Variants in GRID2 observed in about 807,000 individuals in gnomAD.
GRID2 encodes glutamate receptor ionotropic, delta-2.
In GRID2, 33 loss-of-function variants were observed where a neutral mutation model predicts 114.8. The observed-to-expected ratio is 0.29, with a 90% CI of 0.22 to 0.38. The LOEUF (loss-of-function observed/expected upper bound fraction) is 0.38. GRID2 is among the 10% of genes least tolerant of loss of function. The pLI is 1.00. For synonymous variants in GRID2, 505 were observed against 449.9 expected, an observed-to-expected ratio of 1.12 and a Z score of -1.55; for missense variants, 1,184 against 1,257.7, an observed-to-expected ratio of 0.94 and a Z score of 0.89.
intron 8 of GRID2, among the ~76,000 whole-genome samples, chr4:93,281,472 A>G (rs1752645986): frequency 6.6e-6 from 1 of 152,010 alleles, no homozygotes; most frequent in Non-Finnish European, 1.5e-5. Flanking sequence ...ATGTTGAGGC[A>G]TTGGAGAGTT....
At chr4:93,180,130 A>C (rs1295620070) in intron 4 of GRID2, among the ~76,000 whole-genome samples, 1 of 152,042 alleles carries the variant, frequency 6.6e-6, no homozygotes, top group East Asian at 1.9e-4. Flanking sequence ...ACTTGCCCCC[A>C]CAGTGTCACA....
chr4:92,631,816 G>C (rs1477639401), intron 2 of GRID2, among the ~76,000 whole-genome samples: 2 of 152,056 alleles, frequency 1.3e-5, no homozygotes, highest in Non-Finnish European at 2.9e-5. Flanking sequence ...ATTGATATAG[G>C]ATATTTCATT....
chr4:93,168,869 C>A (rs539949107), intron 4 of GRID2, among the ~76,000 whole-genome samples: 1 of 152,002 alleles, frequency 6.6e-6, no homozygotes, highest in African/African-American at 2.4e-5. Flanking sequence ...CCATTTGTGC[C>A]CATGAAACTT....
chr4:92,928,967 A>G (rs1750030152), intron 2 of GRID2, among the ~76,000 whole-genome samples: 1 of 151,482 alleles, frequency 6.6e-6, no homozygotes, highest in Non-Finnish European at 1.5e-5. Context: ...CCCCACCCCC[A>G]AATGAAGCCC....
intron 2 of GRID2, among the ~76,000 whole-genome samples, chr4:92,817,135 T>G (rs1269954780): frequency 1.3e-5 from 2 of 152,160 alleles, no homozygotes; most frequent in Non-Finnish European, 2.9e-5. Context: ...TAAGTCATGT[T>G]CAATCTGTCT....
At chr4:93,748,538 C>T (rs575653591) in intron 14 of GRID2, among the ~76,000 whole-genome samples, 19 of 152,234 alleles carry the variant, frequency 1.2e-4, no homozygotes, top group African/African-American at 3.9e-4. Context: ...TTTGAACAGG[C>T]GTCTAGAGCT....
intron 1 of GRID2, among the ~76,000 whole-genome samples, chr4:92,553,986 A>T (rs1726727286): frequency 2.0e-5 from 3 of 152,162 alleles, no homozygotes; most frequent in Non-Finnish European, 4.4e-5. Context: ...GAATCATAGT[A>T]TCAGGATATC....
At chr4:92,498,266 C>G (rs1168565484) in intron 1 of GRID2, among the ~76,000 whole-genome samples, 1 of 151,714 alleles carries the variant, frequency 6.6e-6, no homozygotes, top group Non-Finnish European at 1.5e-5. Flanking sequence ...GTAAATTGGT[C>G]CCAAGTCAGT....
At chr4:92,754,737 AT>A (rs756268320) in intron 2 of GRID2, among the ~76,000 whole-genome samples, 1 of 152,194 alleles carries the variant, frequency 6.6e-6, no homozygotes, top group Non-Finnish European at 1.5e-5. Context: ...TAAAATGACC[AT>A]TTGGGAAAGG....
At chr4:92,579,518 C>A (rs17019608) in intron 1 of GRID2, among the ~76,000 whole-genome samples, 61,250 of 151,630 alleles carry the variant, frequency 0.4, 12,495 homozygotes, top group African/African-American at 0.48. Flanking sequence ...GAATGGACTA[C>A]ATTTTTAACA....
At chr4:93,274,131 A>G (rs1579507656) in intron 8 of GRID2, among the ~76,000 whole-genome samples, 1 of 152,148 alleles carries the variant, frequency 6.6e-6, no homozygotes, top group African/African-American at 2.4e-5. Flanking sequence ...ATATATTTGC[A>G]CCTGAAAACT....
At chr4:92,720,263 A>G (rs1243679625) in intron 2 of GRID2, among the ~76,000 whole-genome samples, 3 of 152,078 alleles carry the variant, frequency 2.0e-5, no homozygotes, top group African/African-American at 7.2e-5. Context: ...GAGAAAAATT[A>G]TTTGAATTTT....
intron 14 of GRID2, among the ~76,000 whole-genome samples, chr4:93,629,983 A>G (rs1253326192): frequency 6.6e-6 from 1 of 152,186 alleles, no homozygotes; most frequent in Non-Finnish European, 1.5e-5. Flanking sequence ...GCACCTGGAC[A>G]AGCATCAAAT....
At chr4:92,954,037 C>T (rs1405479110) in intron 2 of GRID2, among the ~76,000 whole-genome samples, 3 of 152,064 alleles carry the variant, frequency 2.0e-5, no homozygotes, top group East Asian at 3.9e-4. Flanking sequence ...ACAGTTTTCT[C>T]ATTGGTTTAA....
At chr4:93,178,384 T>TTA (rs1739559224) in intron 4 of GRID2, among the ~76,000 whole-genome samples, 3 of 106,120 alleles carry the variant, frequency 2.8e-5, no homozygotes, top group Non-Finnish European at 5.4e-5. Context: ...AAATAGATTT[T>TTA]TTTTTTTTTT....
intron 8 of GRID2, among the ~76,000 whole-genome samples, chr4:93,382,889 T>TAGGAGAAATTTCCTAGGTTTTCCC (rs1763990311): frequency 2.1e-5 from 2 of 96,604 alleles, no homozygotes; most frequent in South Asian, 6.0e-4. Flanking sequence ...TAGGTTTTCC[T>TAGGAGAAATTTCCTAGGTTTTCCC]AGGAGAAATT....
intron 1 of GRID2, among the ~76,000 whole-genome samples, chr4:92,527,952 C>G (rs1363561044): frequency 6.6e-6 from 1 of 151,900 alleles, no homozygotes; most frequent in African/African-American, 2.4e-5. Context: ...TATTACTTTG[C>G]TTTTATTTTA....
At chr4:92,581,534 T>C (rs1728184823) in intron 1 of GRID2, among the ~76,000 whole-genome samples, 1 of 152,086 alleles carries the variant, frequency 6.6e-6, no homozygotes, top group Admixed American at 6.6e-5. Flanking sequence ...TATACAGGTT[T>C]TCCAAACGAA....
At chr4:92,895,153 A>G (rs371010576) in intron 2 of GRID2, among the ~76,000 whole-genome samples, 8 of 151,918 alleles carry the variant, frequency 5.3e-5, no homozygotes, top group African/African-American at 1.7e-4. Flanking sequence ...TTATGAAGTC[A>G]CAAAGCTGGG....
Sources: gnomAD v4.1 joint callset for allele counts (sites outside exome capture counted in the v4.1 genomes callset) on GRCh38, gnomAD v4.1.1 for gene constraint, MANE v1.5 for transcripts, NCBI Gene and HGNC (gene_info 2026-07-23, HGNC 2026-07-21) for gene names.